SNW1: variants seen among roughly 807,000 people sequenced by gnomAD.
The protein encoded by SNW1 is SNW domain containing 1, also known as SNW domain-containing protein 1.
Under a neutral mutation model 75.6 loss-of-function variants are expected in SNW1, and 9 were observed. The ratio of observed to expected loss-of-function variants is 0.12; its 90% CI spans 0.07 to 0.21. The LOEUF is 0.21. Ranked by LOEUF, SNW1 falls within the 10% of genes least tolerant of loss-of-function variation. The probability of loss-of-function intolerance (pLI) is 1.00; values close to 1 mark genes in which losing one functional copy is unlikely to be tolerated. For synonymous variants in SNW1, 200 were observed against 219.1 expected, an observed-to-expected ratio of 0.91 and a Z score of 0.77; for missense variants, 409 against 670.9, an observed-to-expected ratio of 0.61 and a Z score of 4.31.
chr14:77,739,712 C>A (rs1201517867), intron 3 of SNW1, among the ~76,000 whole-genome samples: 1 of 152,050 alleles, frequency 6.6e-6, no homozygotes, highest in Non-Finnish European at 1.5e-5. Context: ...CTATGCCCAA[C>A]ATGGTTTCTA....
intron 5 of SNW1, among the ~76,000 whole-genome samples, chr14:77,737,956 C>CCA (rs1259873949): frequency 8.5e-6 from 1 of 117,710 alleles, no homozygotes; most frequent in African/African-American, 3.4e-5. Context: ...TGTGCCACTG[C>CCA]ATTCCAGCCT....
At chr14:77,722,423 C>G (rs1445362427) in intron 11 of SNW1, 1 of 403,822 alleles carries the variant, frequency 2.5e-6, no homozygotes, top group East Asian at 7.2e-5. Flanking sequence ...TTCAAAACTG[C>G]TCTTCTCCTC....
rs147323156 is a variant in SNW1 at position 77,729,976 on chromosome 14, T to C, written c.1033+1012A>G. Among the ~76,000 whole-genome samples, 704 of 152,258 alleles carry C rather than the reference T, an allele frequency of 4.6e-3. 7 individuals carry two copies. Among genetic ancestry groups the C allele is most frequent in the Middle Eastern group, 0.01 (3 of 294 alleles). ...CTGCCCTAACTATTCTGACACCTCA[T>C]CTCCTACTTATCCCCTTCTTTCTCA... is the stretch of plus-strand genomic sequence containing the variant. On this transcript the variant is annotated intron_variant, in intron 10 of 13. Transcript: ENST00000261531.
At position 77,717,721 on chromosome 14, in the gene SNW1, G is replaced by A. The variant is rs996338119; in HGVS notation, c.*367C>T. ...TTATTTGGCAGGACAGTTCCAGTATGTGAACATCTTCCTCCTCACTGTGGT... is the reference window on the plus strand; with the variant it reads ...TTATTTGGCAGGACAGTTCCAGTATATGAACATCTTCCTCCTCACTGTGGT... On this transcript the variant is annotated 3_prime_UTR_variant, in exon 14 of 14. Transcript: ENST00000261531. The A allele has an allele frequency of 2.0e-5, 13 of 649,328 alleles. No individual in the cohort carries two copies. The highest frequency in any genetic ancestry group is 2.9e-5 in the Non-Finnish European group (11 of 377,144). 40.2% of individuals were successfully genotyped at this position (649,328 alleles called of 1,614,324 possible).
At chr14:77,749,639 C>T (rs905118211) in intron 3 of SNW1, among the ~76,000 whole-genome samples, 23 of 152,184 alleles carry the variant, frequency 1.5e-4, no homozygotes, top group Admixed American at 9.8e-4. Context: ...TGGTGGCAGG[C>T]GCCTGTAGTC....
intron 12 of SNW1, 21 bp from the exon 13 acceptor site, chr14:77,718,551 TTAAA>T: frequency 6.7e-7 from 1 of 1,484,406 alleles, no homozygotes; most frequent in Non-Finnish European, 9.3e-7. Context: ...ATGGATGACA[TTAAA>T]TAAAAGTGTA....
Position 77,736,104 on chromosome 14 carries a change from C to T in SNW1, c.639-98G>A, listed in dbSNP as rs183136792. On this transcript the variant is annotated intron_variant, in intron 6 of 13. Transcript: ENST00000261531. ...CTTTTTCTTGCATAAAAGTTTCAAA[C>T]ATAGACAAAAACAGAGACTGTATAA... 4.0e-3 allele frequency: 3,319 copies of T among 828,168 alleles called. 10 individuals are homozygous for T. Among genetic ancestry groups the T allele is most frequent in the Admixed American group, 6.0e-3 (236 of 39,658 alleles). The allele number at this position is 828,168 out of a possible 1,614,324, so 51.3% of individuals were successfully genotyped here.
intron 3 of SNW1, among the ~76,000 whole-genome samples, chr14:77,743,591 C>T (rs558552578): frequency 2.2e-4 from 34 of 152,270 alleles, no homozygotes; most frequent in Admixed American, 1.3e-3. Context: ...TCTGGAATAA[C>T]AAATTTTTTA....
intron 11 of SNW1, chr14:77,722,817 C>G (rs1343689004): frequency 1.9e-5 from 8 of 414,400 alleles, no homozygotes; most frequent in South Asian, 9.0e-5. Context: ...AAAAAGGCCA[C>G]TCTTCATGAT....
intron 3 of SNW1, among the ~76,000 whole-genome samples, chr14:77,748,508 A>C (rs1253645230): frequency 6.6e-6 from 1 of 152,126 alleles, no homozygotes; most frequent in Non-Finnish European, 1.5e-5. Flanking sequence ...TGGGAAGTAA[A>C]GTAGGAGAAA....
chr14:77,760,639 G>A (rs1002850503), intron 1 of SNW1: 6 of 702,358 alleles, frequency 8.5e-6, no homozygotes, highest in Admixed American at 2.0e-5. Context: ...TCAGCTCCGG[G>A]CCTCTTTTTT....
At chr14:77,722,336 A>T (rs2080547975) in intron 11 of SNW1, among the ~76,000 whole-genome samples, 1 of 152,152 alleles carries the variant, frequency 6.6e-6, no homozygotes, top group Admixed American at 6.6e-5. Flanking sequence ...AATTTTCTCA[A>T]ATTATTTTAT....
intron 1 of SNW1, among the ~76,000 whole-genome samples, chr14:77,760,119 C>T (rs1046497072): frequency 6.6e-6 from 1 of 152,144 alleles, no homozygotes; most frequent in Admixed American, 6.5e-5. Context: ...ATACCTTGCA[C>T]CCCTATCTTC....
Position 77,738,742 on chromosome 14 carries a change from C to A in SNW1, c.533+36G>T. 3 of 1,501,376 alleles carry A rather than the reference C, an allele frequency of 2.0e-6. No homozygotes were observed. In the South Asian group the frequency reaches 3.4e-5, roughly 17 times the overall value. The allele number at this position is 1,501,376 out of a possible 1,614,324, so 93.0% of individuals were successfully genotyped here. Reference sequence around the variant, plus strand: ...ATGACCCCCCAAGCTGAATCAAGTTCAGAATGAAACTAAGTCTTCTAGGCA... The same window carrying A: ...ATGACCCCCCAAGCTGAATCAAGTTAAGAATGAAACTAAGTCTTCTAGGCA... On this transcript the variant is annotated intron_variant, in intron 5 of 13. Transcript: ENST00000261531.
chr14:77,760,942 C>G (rs1594814325), intron 1 of SNW1, 172 bp downstream of exon 1: 1 of 1,480,744 alleles, frequency 6.8e-7, no homozygotes, highest in South Asian at 1.2e-5. Flanking sequence ...AAGACCCCAG[C>G]TTCGACTAGG....
At chr14:77,729,119 A>G (rs901179352) in intron 10 of SNW1, among the ~76,000 whole-genome samples, 2 of 152,158 alleles carry the variant, frequency 1.3e-5, no homozygotes, top group Non-Finnish European at 2.9e-5. Flanking sequence ...CCTATGGTTG[A>G]ACTCTAGACT....
At chr14:77,737,991 C>CAAAAAA (rs35896717) in intron 5 of SNW1, among the ~76,000 whole-genome samples, 18 of 74,118 alleles carry the variant, frequency 2.4e-4, no homozygotes, top group Non-Finnish European at 3.6e-4. Flanking sequence ...GACTCCATCT[C>CAAAAAA]AAAAAAAAAA....
chr14:77,740,435 GTGTGAGCCACTTTA>G (rs2080709439), intron 3 of SNW1, among the ~76,000 whole-genome samples: 1 of 152,094 alleles, frequency 6.6e-6, no homozygotes, highest in Non-Finnish European at 1.5e-5. Context: ...GAGCAAAAAA[GTGTGAGCCACTTTA>G]TGGCTTATGC....
chr14:77,725,192 T>C (rs750850170), intron 10 of SNW1, among the ~76,000 whole-genome samples: 1 of 152,254 alleles, frequency 6.6e-6, no homozygotes, highest in Non-Finnish European at 1.5e-5. Flanking sequence ...AAAATCAGAT[T>C]ATCTCGTTTC....
Sources: gnomAD v4.1 joint callset for allele counts (sites outside exome capture counted in the v4.1 genomes callset) on GRCh38, gnomAD v4.1.1 for gene constraint, MANE v1.5 for transcripts, NCBI Gene and HGNC (gene_info 2026-07-23, HGNC 2026-07-21) for gene names.